PACS2: variants seen among roughly 807,000 people sequenced by gnomAD.
The protein encoded by PACS2 is phosphofurin acidic cluster sorting protein 2, also known as PACS1-like protein.
PACS2 carries 36 observed loss-of-function variants against 113.0 expected under a neutral mutation model. The ratio of observed to expected loss-of-function variants is 0.32; its 90% CI spans 0.24 to 0.42. The LOEUF is 0.42. PACS2 is among the 10% of genes least tolerant of loss of function. PACS2 has a pLI of 1.00. For synonymous variants in PACS2, 589 were observed against 536.1 expected, an observed-to-expected ratio of 1.10 and a Z score of -1.36; for missense variants, 1,015 against 1,239.5, an observed-to-expected ratio of 0.82 and a Z score of 2.72.
intron 2 of PACS2, among the ~76,000 whole-genome samples, chr14:105,351,761 C>T (rs1033867892): frequency 2.6e-5 from 4 of 152,156 alleles, no homozygotes; most frequent in Non-Finnish European, 5.9e-5. Context: ...TGGAGGATTG[C>T]CTGAGCCTAG....
rs181744814 is a variant in PACS2 at position 105,364,059 on chromosome 14, A to G, written c.424-3154A>G. 5.2e-3 allele frequency among the ~76,000 whole-genome samples: 787 copies of G among 152,314 alleles called. 5 individuals carry two copies. The highest frequency in any genetic ancestry group is 6.5e-3 in the Non-Finnish European group (441 of 68,038). On this transcript the variant is annotated intron_variant, in intron 4 of 24. Coordinates refer to ENST00000447393, the MANE Select transcript of PACS2 (RefSeq NM_001100913.3). ...AGTTGTGATAGTCACACCGTAGCTC[A>G]CTGATCACAGATCACCATACAGATA...
intron 1 of PACS2, among the ~76,000 whole-genome samples, chr14:105,332,047 C>T (rs963891537): frequency 2.6e-5 from 4 of 152,202 alleles, no homozygotes; most frequent in Non-Finnish European, 5.9e-5. Context: ...TTGCTTTTAG[C>T]GTTTTTATTT....
In PACS2 at chr14:105,379,830, G is replaced by T; in HGVS notation, c.1050+1G>T. On this transcript the variant is annotated splice_donor_variant, in intron 10 of 24. Transcript: ENST00000447393. LOFTEE classifies it high-confidence loss of function. ...CAGCCACAAGGAGCCCCCAAGCCCG[G>T]TGAGTGGGGCCACACTGATCTCCCA... 1 of 1,612,764 alleles carries T rather than the reference G, an allele frequency of 6.2e-7. No individual in the cohort carries two copies. Among genetic ancestry groups the T allele is most frequent in the Non-Finnish European group, 8.5e-7 (1 of 1,179,392 alleles).
At chr14:105,352,611 G>A (rs2060228379) in intron 3 of PACS2, 144 bp downstream of exon 3, 2 of 577,578 alleles carry the variant, frequency 3.5e-6, no homozygotes, top group African/African-American at 1.9e-5. Context: ...TGTCCCCTGG[G>A]GAGACGGGCA....
intron 1 of PACS2, among the ~76,000 whole-genome samples, chr14:105,342,239 TGTGTG>T (rs2059757102): frequency 6.6e-6 from 1 of 150,612 alleles, no homozygotes; most frequent in Non-Finnish European, 1.5e-5. Context: ...CCTGTGTGTG[TGTGTG>T]TGTGTGTGTG....
chr14:105,325,151 C>T (rs1011148670), intron 1 of PACS2, among the ~76,000 whole-genome samples: 23 of 130,898 alleles, frequency 1.8e-4, no homozygotes, highest in Non-Finnish European at 2.9e-4. Context: ...CTGAGGGCAC[C>T]GTCGTAGGGT....
intron 1 of PACS2, among the ~76,000 whole-genome samples, chr14:105,334,302 C>T (rs928541044): frequency 5.9e-5 from 9 of 152,248 alleles, no homozygotes; most frequent in East Asian, 1.9e-4. Context: ...CCACCTGACT[C>T]CAGGGCAGCG....
Position 105,382,065 on chromosome 14 carries a change from G to A in PACS2, c.1413+7G>A, listed in dbSNP as rs1555412213. 6.5e-7 allele frequency: 1 copy of A among 1,545,408 alleles called. No homozygotes were observed. The highest frequency in any genetic ancestry group is 8.7e-7 in the Non-Finnish European group (1 of 1,145,466). ...GCTACAGGTGCAGCTGCAGGTGGGG[G>A]TGGAGGGCGTGGCACGCCCAGGAGG... On this transcript the variant is annotated splice_region_variant and intron_variant, in intron 13 of 24. Coordinates refer to ENST00000447393, the MANE Select transcript of PACS2 (RefSeq NM_001100913.3).
At chr14:105,344,118 G>C (rs1595632275) in intron 1 of PACS2, among the ~76,000 whole-genome samples, 1 of 151,636 alleles carries the variant, frequency 6.6e-6, no homozygotes, top group Non-Finnish European at 1.5e-5. Flanking sequence ...GGGTCTCCCT[G>C]TGTACCCAGG....
rs587649033 is a variant in PACS2 at position 105,324,451 on chromosome 14, G to C, written c.119+9414G>C. Among the ~76,000 whole-genome samples the C allele has an allele frequency of 6.6e-6, 1 of 152,174 alleles. No individual in the cohort carries two copies. Among genetic ancestry groups the C allele is most frequent in the Non-Finnish European group, 1.5e-5 (1 of 68,022 alleles). On this transcript the variant is annotated intron_variant, in intron 1 of 24. Coordinates refer to ENST00000447393, the MANE Select transcript of PACS2 (RefSeq NM_001100913.3). The surrounding 1 kb of genome is among the most constrained non-coding windows in gnomAD (Gnocchi z 4.7). ...GAGGGTCTCTGTAGGACAGGCTCCC[G>C]CTGAGGGCAGCCCTGAGGCCTGTGA...
At chr14:105,377,298 G>T (rs1197209594) in intron 9 of PACS2, among the ~76,000 whole-genome samples, 2 of 152,100 alleles carry the variant, frequency 1.3e-5, no homozygotes, top group East Asian at 3.9e-4. Context: ...GGGGAGTAGA[G>T]CTCCCATGCT....
At chr14:105,342,621 A>G (rs587612444) in intron 1 of PACS2, among the ~76,000 whole-genome samples, 2 of 152,064 alleles carry the variant, frequency 1.3e-5, no homozygotes, top group South Asian at 4.2e-4. Context: ...TGTCTTTAAT[A>G]AAACAAAAAC....
At chr14:105,386,605 C>G (rs781799571) in intron 19 of PACS2, among the ~76,000 whole-genome samples, 2 of 152,106 alleles carry the variant, frequency 1.3e-5, no homozygotes, top group African/African-American at 4.8e-5. Flanking sequence ...TGGGCTCGTT[C>G]TCTACCCCGT....
In PACS2 at chr14:105,314,914, G is replaced by C; in HGVS notation, c.-5G>C. ...GGCCGCCGAGGGAGCGGCGGGGCCGGCGCCATGGCCGAGCGAGGCCGCCTC... is the reference window on the plus strand; with the variant it reads ...GGCCGCCGAGGGAGCGGCGGGGCCGCCGCCATGGCCGAGCGAGGCCGCCTC... On this transcript the variant is annotated 5_prime_UTR_variant, in exon 1 of 25. Transcript: ENST00000447393. 9.8e-7 allele frequency: 1 copy of C among 1,025,406 alleles called. No individual in the cohort carries two copies. The allele number at this position is 1,025,406 out of a possible 1,614,324, so 63.5% of individuals were successfully genotyped here. A position where few individuals can be genotyped will look rare whatever the true frequency, so the allele number is the denominator to read the frequency against.
In PACS2 at chr14:105,385,466, C is replaced by T. The variant is rs374504670; in HGVS notation, c.2001-219C>T. Reference sequence around the variant, plus strand: ...GTCCTGCGGAGACCTGTCTGTCCCGCCCGGCGCCTCCTCCCTGCACATCTG... The same window carrying T: ...GTCCTGCGGAGACCTGTCTGTCCCGTCCGGCGCCTCCTCCCTGCACATCTG... On this transcript the variant is annotated intron_variant, in intron 18 of 24. Coordinates refer to ENST00000447393, the MANE Select transcript of PACS2 (RefSeq NM_001100913.3). Among the ~76,000 whole-genome samples, 224 of 152,286 alleles carry T rather than the reference C, an allele frequency of 1.5e-3. 1 individual carries two copies. The highest frequency in any genetic ancestry group is 2.7e-3 in the Admixed American group (41 of 15,296).
At position 105,356,212 on chromosome 14, in the gene PACS2, C is replaced by T. The variant is rs1055626804; in HGVS notation, c.423+1035C>T. Among the ~76,000 whole-genome samples the T allele has an allele frequency of 3.3e-5, 5 of 152,158 alleles. No homozygotes were observed. Among genetic ancestry groups the T allele is most frequent in the Non-Finnish European group, 5.9e-5 (4 of 68,018 alleles). ...GGCCTCCTGTCTCCCAGGTCAAGCG[C>T]TAGGTCCCCCAGATCCTCACACACC... On this transcript the variant is annotated intron_variant, in intron 4 of 24. Transcript: ENST00000447393. The surrounding 1 kb of genome is among the most constrained non-coding windows in gnomAD (Gnocchi z 4.0).
chr14:105,341,224 T>C (rs1334103263), intron 1 of PACS2, among the ~76,000 whole-genome samples: 1 of 152,250 alleles, frequency 6.6e-6, no homozygotes, highest in African/African-American at 2.4e-5. Flanking sequence ...CTCTGAACTT[T>C]TCCTGTATGC....
At chr14:105,380,739 G>A (rs2080962570) in intron 11 of PACS2, among the ~76,000 whole-genome samples, 1 of 152,238 alleles carries the variant, frequency 6.6e-6, no homozygotes, top group Non-Finnish European at 1.5e-5. Flanking sequence ...GGTCCTGGGA[G>A]GTTGGGGGCT....
intron 1 of PACS2, among the ~76,000 whole-genome samples, chr14:105,318,387 C>G (rs2058749565): frequency 6.6e-6 from 1 of 152,280 alleles, no homozygotes; most frequent in African/African-American, 2.4e-5. Flanking sequence ...CTCAAGCAGT[C>G]CTCCCACATC....
Sources: allele counts gnomAD v4.1 joint callset (sites outside exome capture counted in the v4.1 genomes callset), GRCh38; gene constraint gnomAD v4.1.1; non-coding constraint Gnocchi (gnomAD v3.1); transcripts MANE v1.5; gene names NCBI Gene and HGNC (gene_info 2026-07-23, HGNC 2026-07-21).